Variants in ME1 observed in about 807,000 individuals in gnomAD.
ME1 encodes the protein NADP-dependent malic enzyme.
In ME1, 74 loss-of-function variants were observed where a neutral mutation model predicts 66.4. The ratio of observed to expected loss-of-function variants is 1.11; its 90% CI spans 0.92 to 1.35. ME1 has a LOEUF of 1.35. ME1 is among the 40% of genes most tolerant of loss of function. The pLI is 0.00. For synonymous variants in ME1, 251 were observed against 235.6 expected, an observed-to-expected ratio of 1.07 and a Z score of -0.60; for missense variants, 750 against 694.1, an observed-to-expected ratio of 1.08 and a Z score of -0.90.
At chr6:83,411,366 GAA>G (rs149609090) in intron 1 of ME1, among the ~76,000 whole-genome samples, 1 of 128,508 alleles carries the variant, frequency 7.8e-6, no homozygotes, top group Admixed American at 7.8e-5. Context: ...TCCGTCTCAA[GAA>G]AAAAAAAAAA....
At chr6:83,229,526 A>G (rs752003932) in intron 9 of ME1, among the ~76,000 whole-genome samples, 1 of 152,156 alleles carries the variant, frequency 6.6e-6, no homozygotes, top group Non-Finnish European at 1.5e-5. Flanking sequence ...ATCACTGCCT[A>G]ATTTTATATG....
At chr6:83,326,743 G>C (rs1353828852) in intron 5 of ME1, among the ~76,000 whole-genome samples, 2 of 152,240 alleles carry the variant, frequency 1.3e-5, no homozygotes, top group African/African-American at 2.4e-5. Flanking sequence ...ACAGATGCTG[G>C]AGAGGATATG....
At chr6:83,329,124 T>C (rs1485297275) in intron 5 of ME1, among the ~76,000 whole-genome samples, 1 of 152,162 alleles carries the variant, frequency 6.6e-6, no homozygotes, top group African/African-American at 2.4e-5. Flanking sequence ...AATATTATCT[T>C]AATATTATAA....
At chr6:83,367,069 T>C (rs897347319) in intron 3 of ME1, among the ~76,000 whole-genome samples, 5 of 152,212 alleles carry the variant, frequency 3.3e-5, no homozygotes, top group African/African-American at 1.2e-4. Flanking sequence ...TTAGCAGTCA[T>C]GAAAACAACA....
intron 1 of ME1, among the ~76,000 whole-genome samples, chr6:83,416,681 G>A (rs1230682953): frequency 6.6e-6 from 1 of 152,052 alleles, no homozygotes; most frequent in African/African-American, 2.4e-5. Context: ...TTGAGCTCAG[G>A]AGTGCGAGAC....
chr6:83,333,844 T>A (rs1768465785), intron 5 of ME1, among the ~76,000 whole-genome samples: 1 of 152,184 alleles, frequency 6.6e-6, no homozygotes, highest in Non-Finnish European at 1.5e-5. Flanking sequence ...TGATCAGTTT[T>A]TAGAAAAAAA....
At chr6:83,324,716 CAAAAAAA>C (rs55866196) in intron 5 of ME1, among the ~76,000 whole-genome samples, 11 of 49,306 alleles carry the variant, frequency 2.2e-4, no homozygotes, top group African/African-American at 3.1e-4. Flanking sequence ...GCCTACCAAC[CAAAAAAA>C]AAAAAAAAAA....
chr6:83,359,506 T>C (rs1768965788), intron 3 of ME1, among the ~76,000 whole-genome samples: 1 of 152,202 alleles, frequency 6.6e-6, no homozygotes, highest in African/African-American at 2.4e-5. Flanking sequence ...AAATAGGAAC[T>C]CTGCATTTAA....
intron 6 of ME1, among the ~76,000 whole-genome samples, chr6:83,293,226 C>T (rs946640323): frequency 6.6e-5 from 10 of 152,272 alleles, no homozygotes; most frequent in Middle Eastern, 3.4e-3. Context: ...TCTTCTGCAT[C>T]GATCTTGCTG....
chr6:83,244,802 C>G (rs889511404), intron 7 of ME1, among the ~76,000 whole-genome samples: 1 of 151,800 alleles, frequency 6.6e-6, no homozygotes, highest in African/African-American at 2.4e-5. Flanking sequence ...ATTTAAGGAA[C>G]AGAGGGCAGA....
intron 6 of ME1, among the ~76,000 whole-genome samples, chr6:83,295,344 C>A (rs1170340297): frequency 1.3e-5 from 2 of 152,166 alleles, no homozygotes; most frequent in African/African-American, 4.8e-5. Flanking sequence ...ACTTGAGCAA[C>A]TCAAATGGCC....
intron 11 of ME1, among the ~76,000 whole-genome samples, chr6:83,225,825 T>C (rs1256570529): frequency 6.7e-6 from 1 of 148,498 alleles, no homozygotes; most frequent in African/African-American, 2.4e-5. Flanking sequence ...TATATATATA[T>C]ATATATATAT....
chr6:83,404,768 T>C (rs568650139), intron 2 of ME1, among the ~76,000 whole-genome samples: 191 of 152,352 alleles, frequency 1.3e-3, no homozygotes, highest in African/African-American at 4.5e-3. Context: ...TAGGGAATCC[T>C]TTCTCCATTG....
intron 1 of ME1, among the ~76,000 whole-genome samples, chr6:83,414,151 T>C (rs944278798): frequency 6.6e-6 from 1 of 150,676 alleles, no homozygotes; most frequent in Non-Finnish European, 1.5e-5. Flanking sequence ...TTTATTTTTA[T>C]GGTGGTATCC....
At chr6:83,325,411 G>T (rs1158964410) in intron 5 of ME1, among the ~76,000 whole-genome samples, 2 of 152,280 alleles carry the variant, frequency 1.3e-5, no homozygotes, top group South Asian at 2.1e-4. Flanking sequence ...AATAGGAAAA[G>T]AAGAAGTCAA....
chr6:83,417,254 C>G (rs1400409720), intron 1 of ME1, among the ~76,000 whole-genome samples: 1 of 152,156 alleles, frequency 6.6e-6, no homozygotes, highest in African/African-American at 2.4e-5. Flanking sequence ...CTATGTTGCC[C>G]TGATTGATCT....
At chr6:83,304,699 T>C (rs1383386360) in intron 6 of ME1, among the ~76,000 whole-genome samples, 4 of 152,214 alleles carry the variant, frequency 2.6e-5, no homozygotes, top group Admixed American at 6.5e-5. Flanking sequence ...GTGTTAATTC[T>C]GGCTTGCTTT....
intron 12 of ME1, among the ~76,000 whole-genome samples, chr6:83,223,477 T>C (rs1218828743): frequency 6.6e-6 from 1 of 152,110 alleles, no homozygotes; most frequent in Non-Finnish European, 1.5e-5. Context: ...TTTTTAATTG[T>C]CCCATCACTG....
intron 3 of ME1, among the ~76,000 whole-genome samples, chr6:83,377,215 T>A (rs1769312358): frequency 1.3e-5 from 2 of 152,212 alleles, no homozygotes; most frequent in Non-Finnish European, 2.9e-5. Flanking sequence ...GATGATGGGG[T>A]AACAAATCCT....
Sources: gnomAD v4.1 joint callset for allele counts (sites outside exome capture counted in the v4.1 genomes callset) on GRCh38, gnomAD v4.1.1 for gene constraint, MANE v1.5 for transcripts, NCBI Gene and HGNC (gene_info 2026-07-23, HGNC 2026-07-21) for gene names.